The following CACNA2D3 variants were observed in gnomAD, a reference collection of about 807,000 sequenced individuals.
CACNA2D3 encodes voltage-dependent calcium channel subunit alpha-2/delta-3.
CACNA2D3 carries 60 observed loss-of-function variants against 160.6 expected under a neutral mutation model. That is an observed-to-expected ratio of 0.37 (90% CI 0.30 to 0.46). The LOEUF is 0.46. CACNA2D3 is among the 20% of genes least tolerant of loss of function. CACNA2D3 has a pLI of 1.00. For synonymous variants in CACNA2D3, 558 were observed against 492.9 expected (o/e 1.13, Z -1.75); for missense variants, 1,205 against 1,365.0 (o/e 0.88, Z 1.85).
intron 2 of CACNA2D3, among the ~76,000 whole-genome samples, chr3:54,257,212 T>G (rs550749908): frequency 6.6e-6 from 1 of 152,232 alleles, no homozygotes; most frequent in Admixed American, 6.5e-5. Context: ...ATTACTCTTA[T>G]TGATGGATTG....
chr3:54,498,216 G>T (rs1701234368), intron 4 of CACNA2D3, among the ~76,000 whole-genome samples: 1 of 151,572 alleles, frequency 6.6e-6, no homozygotes, highest in Admixed American at 6.6e-5. Context: ...ACCTAGAGTT[G>T]TTTGTTTGTT....
At chr3:54,661,518 C>T (rs981380723) in intron 11 of CACNA2D3, among the ~76,000 whole-genome samples, 6 of 152,242 alleles carry the variant, frequency 3.9e-5, no homozygotes, top group African/African-American at 1.4e-4. Flanking sequence ...GACTCTTTCC[C>T]TTCCTCTTGA....
intron 2 of CACNA2D3, among the ~76,000 whole-genome samples, chr3:54,141,094 C>CGTGCGCGCGCGCGCACGT (rs1553731352): frequency 3.7e-5 from 3 of 81,892 alleles, no homozygotes; most frequent in African/African-American, 1.1e-4. Context: ...TGTGCGCGCG[C>CGTGCGCGCGCGCGCACGT]GCGCGTGTGT....
chr3:54,490,727 C>T (rs1468938776), intron 4 of CACNA2D3, among the ~76,000 whole-genome samples: 1 of 152,104 alleles, frequency 6.6e-6, no homozygotes, highest in East Asian at 1.9e-4. Context: ...TGAGGGCTCA[C>T]CAGTGGAGTG....
At chr3:54,690,058 T>G (rs1700545144) in intron 11 of CACNA2D3, among the ~76,000 whole-genome samples, 1 of 152,024 alleles carries the variant, frequency 6.6e-6, no homozygotes, top group Admixed American at 6.6e-5. Context: ...TTGTATCATC[T>G]GCTTGGGACA....
At chr3:54,572,435 C>G (rs1306919254) in intron 8 of CACNA2D3, among the ~76,000 whole-genome samples, 2 of 152,188 alleles carry the variant, frequency 1.3e-5, no homozygotes, top group Non-Finnish European at 2.9e-5. Context: ...TGGATTATCT[C>G]ACTGAATCCT....
chr3:55,007,886 T>C (rs2107142661), intron 33 of CACNA2D3, 44 bp downstream of exon 33: 1 of 1,358,760 alleles, frequency 7.4e-7, no homozygotes, highest in South Asian at 1.4e-5. Context: ...ATTAATATTT[T>C]CCTTTTTGTA....
intron 9 of CACNA2D3, among the ~76,000 whole-genome samples, chr3:54,587,284 C>T (rs147144398): frequency 0.058 from 8,767 of 152,110 alleles, 337 homozygotes; most frequent in Middle Eastern, 0.099. Context: ...GGGGCAGGCG[C>T]GGTGGCTCAA....
intron 2 of CACNA2D3, among the ~76,000 whole-genome samples, chr3:54,225,686 C>T (rs116284433): frequency 0.012 from 1,801 of 152,168 alleles, 12 homozygotes; most frequent in Middle Eastern, 0.037. Context: ...ATTTACAATC[C>T]TATTTTTTTG....
chr3:54,571,612 A>AGT (rs58652360), intron 8 of CACNA2D3, among the ~76,000 whole-genome samples: 8,742 of 136,180 alleles, frequency 0.064, 290 homozygotes, highest in East Asian at 0.092. Context: ...CACTTAACCA[A>AGT]GTGTGTGTGT....
chr3:54,265,556 G>A lies in CACNA2D3; in HGVS notation c.205-54886G>A, dbSNP rs150546145. On this transcript the variant is annotated intron_variant, in intron 2 of 37. Coordinates refer to ENST00000474759, the MANE Select transcript of CACNA2D3 (RefSeq NM_018398.3). ...TGTGTGTGTGTGTGTGTGTGTGTGT[G>A]TATAGTGTGTATATATATAGTGTGT... 1.1e-4 allele frequency among the ~76,000 whole-genome samples: 9 copies of A among 78,652 alleles called. No homozygotes were observed. In the East Asian group the frequency reaches 3.7e-3, roughly 32 times the overall value. 51.6% of individuals were successfully genotyped at this position (78,652 alleles called of 152,430 possible). A position where few individuals can be genotyped will look rare whatever the true frequency, so the allele number is the denominator to read the frequency against.
chr3:55,053,179 G>T (rs1458165122), intron 35 of CACNA2D3, among the ~76,000 whole-genome samples: 1 of 151,928 alleles, frequency 6.6e-6, no homozygotes, highest in East Asian at 1.9e-4. Context: ...CTATCCCCAA[G>T]TTACTACTGA....
intron 35 of CACNA2D3, among the ~76,000 whole-genome samples, chr3:55,050,473 G>C (rs891915485): frequency 6.6e-6 from 1 of 151,202 alleles, no homozygotes; most frequent in African/African-American, 2.4e-5. Context: ...CGAGAGATCC[G>C]CTGTTAGTCT....
chr3:55,035,453 G>A (rs938047104), intron 35 of CACNA2D3, among the ~76,000 whole-genome samples: 2 of 152,286 alleles, frequency 1.3e-5, no homozygotes, highest in South Asian at 4.1e-4. Flanking sequence ...ATGAAAAATT[G>A]TTGAGATTAA....
chr3:54,282,804 T>G (rs1301227933), intron 2 of CACNA2D3, among the ~76,000 whole-genome samples: 1 of 152,042 alleles, frequency 6.6e-6, no homozygotes, highest in East Asian at 1.9e-4. Context: ...TCACTTTCTG[T>G]AGGAATTAGC....
At chr3:54,392,411 C>A (rs1416534255) in intron 4 of CACNA2D3, among the ~76,000 whole-genome samples, 1 of 152,150 alleles carries the variant, frequency 6.6e-6, no homozygotes, top group Non-Finnish European at 1.5e-5. Context: ...TTGCACAGAG[C>A]GGGTGCACAG....
chr3:54,249,293 G>A (rs1483697690), intron 2 of CACNA2D3, among the ~76,000 whole-genome samples: 1 of 152,130 alleles, frequency 6.6e-6, no homozygotes, highest in African/African-American at 2.4e-5. Flanking sequence ...GACATTCTTG[G>A]ATGAGATTAA....
At chr3:54,888,109 T>G in intron 24 of CACNA2D3, 57 bp downstream of exon 24, 1 of 1,276,326 alleles carries the variant, frequency 7.8e-7, no homozygotes, top group Non-Finnish European at 1.1e-6. Context: ...CACTCCGAAA[T>G]ATGGTTATGG....
At chr3:54,885,093 A>T (rs1270044407) in intron 21 of CACNA2D3, among the ~76,000 whole-genome samples, 188 bp from the exon 22 acceptor site, 2 of 152,086 alleles carry the variant, frequency 1.3e-5, no homozygotes, top group African/African-American at 4.8e-5. Flanking sequence ...AGAGATGGGG[A>T]GAGAGTCCTG....
Sources: allele counts gnomAD v4.1 joint callset (sites outside exome capture counted in the v4.1 genomes callset), GRCh38; gene constraint gnomAD v4.1.1; transcripts MANE v1.5; gene names NCBI Gene and HGNC (gene_info 2026-07-23, HGNC 2026-07-21).